Variants in SPOCK1 observed in about 807,000 individuals in gnomAD.
SPOCK1 encodes SPARC (osteonectin), cwcv and kazal like domains proteoglycan 1.
Under a neutral mutation model 55.3 loss-of-function variants are expected in SPOCK1, and 23 were observed. The ratio of observed to expected loss-of-function variants is 0.42; its 90% confidence interval spans 0.30 to 0.59. The LOEUF is 0.59. SPOCK1 is among the 20% of genes least tolerant of loss of function. The pLI, the probability that SPOCK1 is intolerant of heterozygous loss-of-function variation, is 0.22. For synonymous variants in SPOCK1, 226 were observed against 221.0 expected (o/e 1.02, Z -0.20); for missense variants, 499 against 552.5 (o/e 0.90, Z 0.97).
intron 7 of SPOCK1, among the ~76,000 whole-genome samples, chr5:136,990,878 T>C (rs1012416083): frequency 1.1e-4 from 16 of 152,078 alleles, no homozygotes; most frequent in Non-Finnish European, 1.5e-5. Context: ...AGTGCCTGCA[T>C]CTTGACATCT....
chr5:137,397,324 G>T (rs562812895), intron 2 of SPOCK1, among the ~76,000 whole-genome samples: 118 of 152,320 alleles, frequency 7.7e-4, no homozygotes, highest in African/African-American at 2.7e-3. Context: ...GGATGCCAGT[G>T]GTGATGGACC....
chr5:137,477,080 A>C (rs1164599088), intron 2 of SPOCK1, among the ~76,000 whole-genome samples: 2 of 152,244 alleles, frequency 1.3e-5, no homozygotes, highest in Non-Finnish European at 2.9e-5. Context: ...AAAACAGTCC[A>C]AATGTTTTTA....
chr5:137,383,966 C>T (rs1655359313), intron 2 of SPOCK1, among the ~76,000 whole-genome samples: 1 of 152,214 alleles, frequency 6.6e-6, no homozygotes, highest in South Asian at 2.1e-4. Context: ...GTTTTCCCTA[C>T]CCCCTAGACC....
chr5:137,415,812 T>A (rs1354455064), intron 2 of SPOCK1, among the ~76,000 whole-genome samples: 2 of 152,186 alleles, frequency 1.3e-5, no homozygotes. Context: ...CTTAATTGAA[T>A]GAAAATACAT....
At chr5:137,042,430 C>T (rs866817818) in intron 6 of SPOCK1, among the ~76,000 whole-genome samples, 6 of 152,070 alleles carry the variant, frequency 3.9e-5, no homozygotes, top group African/African-American at 9.7e-5. Flanking sequence ...AACTTTACAG[C>T]GTAGAGTGAA....
chr5:137,344,339 T>C (rs1333625959), intron 2 of SPOCK1, among the ~76,000 whole-genome samples: 1 of 152,238 alleles, frequency 6.6e-6, no homozygotes, highest in Non-Finnish European at 1.5e-5. Context: ...CGTTTTATTC[T>C]ACTTACAAGT....
At chr5:137,082,843 G>A (rs1232838214) in intron 5 of SPOCK1, among the ~76,000 whole-genome samples, 1 of 152,182 alleles carries the variant, frequency 6.6e-6, no homozygotes, top group African/African-American at 2.4e-5. Flanking sequence ...TGATTTCAAA[G>A]TTAGAAAGTT....
At chr5:137,200,525 C>T (rs1254243708) in intron 3 of SPOCK1, among the ~76,000 whole-genome samples, 1 of 152,182 alleles carries the variant, frequency 6.6e-6, no homozygotes, top group Non-Finnish European at 1.5e-5. Context: ...GGCAGGCATT[C>T]CTGTCGGTTT....
intron 2 of SPOCK1, among the ~76,000 whole-genome samples, chr5:137,288,342 T>TA (rs1757305267): frequency 6.6e-6 from 1 of 152,214 alleles, no homozygotes; most frequent in Admixed American, 6.5e-5. Flanking sequence ...CCCTTGGACA[T>TA]ACCCAATCCT....
intron 2 of SPOCK1, among the ~76,000 whole-genome samples, chr5:137,295,222 G>A (rs1376999931): frequency 2.0e-5 from 3 of 152,166 alleles, no homozygotes; most frequent in African/African-American, 7.2e-5. Flanking sequence ...ATGCTTTTCT[G>A]TACTTCCCCA....
chr5:137,238,548 A>G (rs983428808), intron 3 of SPOCK1, among the ~76,000 whole-genome samples: 1 of 152,258 alleles, frequency 6.6e-6, no homozygotes, highest in Non-Finnish European at 1.5e-5. Context: ...AAAGAATAGT[A>G]TGTCATGACC....
chr5:137,405,478 C>T (rs1318440171), intron 2 of SPOCK1, among the ~76,000 whole-genome samples: 3 of 152,158 alleles, frequency 2.0e-5, no homozygotes, highest in Non-Finnish European at 2.9e-5. Context: ...CGAGGGTCCT[C>T]CTGCGGGTAG....
At chr5:137,117,906 A>G (rs1753618961) in intron 4 of SPOCK1, among the ~76,000 whole-genome samples, 1 of 152,212 alleles carries the variant, frequency 6.6e-6, no homozygotes, top group Non-Finnish European at 1.5e-5. Context: ...AATCTTCAGG[A>G]TTCAGGAATG....
chr5:137,063,216 G>C (rs1472073054), intron 6 of SPOCK1, among the ~76,000 whole-genome samples: 1 of 147,658 alleles, frequency 6.8e-6, no homozygotes, highest in Non-Finnish European at 1.5e-5. Flanking sequence ...GTCCGGCCTG[G>C]GCGACAGAGC....
At chr5:137,305,720 C>T (rs1243360077) in intron 2 of SPOCK1, among the ~76,000 whole-genome samples, 1 of 152,230 alleles carries the variant, frequency 6.6e-6, no homozygotes, top group African/African-American at 2.4e-5. Context: ...ACACCCAGCT[C>T]AACTCCAGTT....
At chr5:137,191,322 C>T (rs373303641) in intron 3 of SPOCK1, among the ~76,000 whole-genome samples, 2 of 151,920 alleles carry the variant, frequency 1.3e-5, no homozygotes, top group Non-Finnish European at 2.9e-5. Flanking sequence ...ATGTATCTAA[C>T]TAATCTTCTC....
At chr5:137,055,883 C>T (rs1021774412) in intron 6 of SPOCK1, among the ~76,000 whole-genome samples, 2 of 152,100 alleles carry the variant, frequency 1.3e-5, no homozygotes, top group East Asian at 1.9e-4. Flanking sequence ...AGCCTGAGGT[C>T]GTGCCCCAGA....
At chr5:137,186,703 T>C (rs1755075929) in intron 3 of SPOCK1, among the ~76,000 whole-genome samples, 1 of 152,206 alleles carries the variant, frequency 6.6e-6, no homozygotes, top group South Asian at 2.1e-4. Flanking sequence ...TGCACTCCTT[T>C]CAATTATCTC....
rs182624549 is a variant in SPOCK1, at chr5:137,267,056, C to T, written c.187-1G>A. ...GATTCCAGTTTCTGAAATAATCATC[C>T]TATATAAGGAAAAAATAGAAAACAA... On this transcript the variant is annotated splice_acceptor_variant, in intron 2 of 10. Transcript: ENST00000394945. LOFTEE classifies it high-confidence loss of function. 1.2e-6 allele frequency: 2 copies of T among 1,611,872 alleles called. No individual in the cohort carries two copies. The highest frequency in any genetic ancestry group is 1.3e-5 in the African/African-American group (1 of 74,950).
Sources: gnomAD v4.1 joint callset for allele counts (sites outside exome capture counted in the v4.1 genomes callset) on GRCh38, gnomAD v4.1.1 for gene constraint, MANE v1.5 for transcripts, NCBI Gene and HGNC (gene_info 2026-07-23, HGNC 2026-07-21) for gene names.